Variants in ABTB2 observed in about 807,000 individuals in gnomAD.
ABTB2 encodes the protein ankyrin repeat and BTB domain containing 2.
ABTB2 carries 56 observed loss-of-function variants against 104.1 expected under a neutral mutation model. That is an observed-to-expected ratio of 0.54 (90% confidence interval 0.43 to 0.67). The LOEUF (loss-of-function observed/expected upper bound fraction) is 0.67, where lower values mean the gene tolerates loss of function less well. Among genes scored for constraint, ABTB2 ranks in the 30% least tolerant of loss-of-function variants. ABTB2 has a pLI of 0.00. For missense variants in ABTB2, 1,279 were observed against 1,407.7 expected (o/e 0.91, Z 1.46); for synonymous variants, 606 against 608.2 (o/e 1.00, Z 0.05).
intron 1 of ABTB2, among the ~76,000 whole-genome samples, chr11:34,234,138 T>C (rs1853809723): frequency 3.3e-5 from 5 of 152,252 alleles, no homozygotes; most frequent in Non-Finnish European, 7.4e-5. Context: ...TTAGGGGGTT[T>C]CCCTTCTCCC....
At chr11:34,355,709 CATA>C (rs1488666723) in intron 1 of ABTB2, among the ~76,000 whole-genome samples, 1 of 152,188 alleles carries the variant, frequency 6.6e-6, no homozygotes, top group East Asian at 1.9e-4. Context: ...GCTGTTTAAC[CATA>C]ATACCATTCT....
At chr11:34,211,463 A>T (rs1351671339) in intron 1 of ABTB2, among the ~76,000 whole-genome samples, 1 of 152,178 alleles carries the variant, frequency 6.6e-6, no homozygotes, top group African/African-American at 2.4e-5. Context: ...ATAGTATTCC[A>T]CATGACATTC....
chr11:34,236,131 G>A (rs1420690045), intron 1 of ABTB2, among the ~76,000 whole-genome samples: 1 of 152,160 alleles, frequency 6.6e-6, no homozygotes, highest in African/African-American at 2.4e-5. Flanking sequence ...TATTCTTGTT[G>A]GCAGAGGGAG....
intron 1 of ABTB2, among the ~76,000 whole-genome samples, chr11:34,260,914 T>C (rs1854181114): frequency 8.2e-6 from 1 of 122,596 alleles, no homozygotes; most frequent in African/African-American, 3.9e-5. Flanking sequence ...GTGTGGTGGC[T>C]CACCTGAGGC....
rs559773761 is a variant in ABTB2, at chr11:34,252,873, G to A, written c.884-48183C>T. Reference sequence around the variant, plus strand: ...CCTGGGCCTCTCCTGCCCAACCCAGGTGGCTGTCACCTGGCCTGCACATGG... The same window carrying A: ...CCTGGGCCTCTCCTGCCCAACCCAGATGGCTGTCACCTGGCCTGCACATGG... On this transcript the variant is annotated intron_variant, in intron 1 of 16. Coordinates refer to ENST00000435224, the MANE Select transcript of ABTB2 (RefSeq NM_145804.3). The surrounding 1 kb of genome is among the most constrained non-coding windows in gnomAD (Gnocchi z 5.5). Among the ~76,000 whole-genome samples, 5 of 152,118 alleles carry A rather than the reference G, an allele frequency of 3.3e-5. No individual in the cohort carries two copies. The highest frequency in any genetic ancestry group is 5.9e-5 in the Non-Finnish European group (4 of 67,960).
chr11:34,284,160 C>A (rs1279080748), intron 1 of ABTB2, among the ~76,000 whole-genome samples: 1 of 152,228 alleles, frequency 6.6e-6, no homozygotes, highest in Admixed American at 6.5e-5. Context: ...CTGTAAGGCC[C>A]AATCCATGTC....
chr11:34,161,218 GCC>G (rs1388350184), intron 10 of ABTB2, 137 bp from the exon 11 acceptor site: 15 of 841,856 alleles, frequency 1.8e-5, no homozygotes, highest in Non-Finnish European at 2.3e-5. Context: ...CCTCCCGCCT[GCC>G]CCCTTCCTGG....
chr11:34,342,275 CG>C (rs1564936884), intron 1 of ABTB2, among the ~76,000 whole-genome samples: 3 of 152,224 alleles, frequency 2.0e-5, no homozygotes, highest in African/African-American at 7.2e-5. Flanking sequence ...AGTTCTCAGG[CG>C]CAGCTGGCTG....
intron 1 of ABTB2, among the ~76,000 whole-genome samples, chr11:34,288,906 G>T (rs1372631418): frequency 6.6e-6 from 1 of 152,154 alleles, no homozygotes; most frequent in Non-Finnish European, 1.5e-5. Context: ...GTCCCTCTGG[G>T]TTTATTAATC....
chr11:34,173,135 C>T lies in ABTB2; in HGVS notation c.1397+20G>A. On this transcript the variant is annotated intron_variant, in intron 4 of 16. Coordinates refer to ENST00000435224, the MANE Select transcript of ABTB2 (RefSeq NM_145804.3). ...GGCAGGTCATGGATGCCGGGGCCCT[C>T]CCTCCTCCCTGGTTCATACTTGAGC... 3.7e-6 allele frequency: 6 copies of T among 1,613,420 alleles called. No homozygotes were observed. The highest frequency in any genetic ancestry group is 4.2e-6 in the Non-Finnish European group (5 of 1,179,886).
Position 34,161,081 on chromosome 11 carries a change from C to T in ABTB2, c.2219G>A (p.Gly740Glu). 1 of 1,603,754 alleles carries T rather than the reference C, an allele frequency of 6.2e-7. No individual in the cohort carries two copies. Among genetic ancestry groups the T allele is most frequent in the Non-Finnish European group, 8.5e-7 (1 of 1,174,238 alleles). ...CCAGATGTGCAGCTTCCAGGGGACT[C>T]CTGGTCCAGGCAGGGAAGGGCAGGC... The part of the protein sequence containing the change: ...VDITMELRAL[G>E]VPWKLHIWIE... Residue 740 changes from glycine to glutamate, a missense_variant and splice_region_variant, in exon 11 of 17, where the codon GGA becomes GAA. Coordinates refer to ENST00000435224, the MANE Select transcript of ABTB2 (RefSeq NM_145804.3).
chr11:34,326,279 CCA>C (rs1334084736), intron 1 of ABTB2, among the ~76,000 whole-genome samples: 2 of 152,092 alleles, frequency 1.3e-5, no homozygotes, highest in Non-Finnish European at 2.9e-5. Flanking sequence ...ACCAAAAAAA[CCA>C]CAGAGATATA....
chr11:34,301,737 A>G (rs12290275), intron 1 of ABTB2, among the ~76,000 whole-genome samples: 5,990 of 152,232 alleles, frequency 0.039, 416 homozygotes, highest in African/African-American at 0.14. Flanking sequence ...TAATCCCAAC[A>G]CCTTAGGATG....
intron 1 of ABTB2, among the ~76,000 whole-genome samples, chr11:34,255,760 G>A (rs923859108): frequency 2.6e-5 from 4 of 152,100 alleles, no homozygotes; most frequent in East Asian, 1.9e-4. Flanking sequence ...CAAGTGATCC[G>A]CACGCCTCGG....
intron 1 of ABTB2, among the ~76,000 whole-genome samples, chr11:34,267,545 C>T (rs181373611): frequency 6.6e-4 from 100 of 152,262 alleles, no homozygotes; most frequent in African/African-American, 2.4e-3. Flanking sequence ...CAAAAAAAAT[C>T]CTAGACTTTG....
Position 34,357,506 on chromosome 11 carries a change from C to T in ABTB2, c.78G>A (p.Ser26=). ...AGGACGAGAGGCTGAGCGAGCGGCA[C>T]GAGTCCCCGGCCCCATACCCGGAGT... ...TLDSGYGAGD[S]CRSLSLSSSK... is the part of the protein sequence containing the mutation. Residue 26 remains serine, a synonymous_variant, in exon 1 of 17, where the codon TCG becomes TCA. Coordinates refer to ENST00000435224, the MANE Select transcript of ABTB2 (RefSeq NM_145804.3). The T allele has an allele frequency of 6.5e-7, 1 of 1,541,474 alleles. No individual in the cohort carries two copies. Among genetic ancestry groups the T allele is most frequent in the Middle Eastern group, 1.7e-4 (1 of 5,992 alleles).
rs751915029 is a variant in ABTB2 at position 34,152,572 on chromosome 11, G to C, written c.2893C>G (p.Pro965Ala). ...CCCTCACAGAACAGGGCCAGTTCTGGGGCATTGTGGATCTGTAGGGCAGAG... is the reference window on the plus strand; with the variant it reads ...CCCTCACAGAACAGGGCCAGTTCTGCGGCATTGTGGATCTGTAGGGCAGAG... ...TYKYAKIHNA[P>A]ELALFCEGFF... Residue 965 changes from proline (P) to alanine (A), a missense_variant, in exon 17 of 17, where the codon CCA (proline) becomes GCA (alanine). Pro to Ala is a conservative substitution (Grantham distance 27, BLOSUM62 -1). Coordinates refer to ENST00000435224, the MANE Select transcript of ABTB2 (RefSeq NM_145804.3). The C allele has an allele frequency of 1.3e-6, 2 of 1,580,020 alleles. No individual in the cohort carries two copies. The highest frequency in any genetic ancestry group is 2.2e-5 in the East Asian group (1 of 44,830).
Position 34,323,638 on chromosome 11 carries a change from A to G in ABTB2, c.883+33063T>C, listed in dbSNP as rs189867957. On this transcript the variant is annotated intron_variant, in intron 1 of 16. Transcript: ENST00000435224. ...ATTAGCCTAATTTTTGTTGTTCTTCAATACAGTTATCACTATGTGAAGTCA... is the reference window on the plus strand; with the variant it reads ...ATTAGCCTAATTTTTGTTGTTCTTCGATACAGTTATCACTATGTGAAGTCA... Among the ~76,000 whole-genome samples the G allele has an allele frequency of 1.8e-3, 270 of 152,294 alleles. 2 individuals carry two copies. Among genetic ancestry groups the G allele is most frequent in the Admixed American group, 2.9e-3 (44 of 15,298 alleles).
At chr11:34,347,875 A>G (rs1288550613) in intron 1 of ABTB2, among the ~76,000 whole-genome samples, 2 of 152,118 alleles carry the variant, frequency 1.3e-5, no homozygotes, top group East Asian at 1.9e-4. Flanking sequence ...CATCAGTCGG[A>G]CTTAACACCG....
Sources: gnomAD v4.1 joint callset for allele counts (sites outside exome capture counted in the v4.1 genomes callset) on GRCh38, gnomAD v4.1.1 for gene constraint, Gnocchi (gnomAD v3.1) non-coding constraint, MANE v1.5 for transcripts, NCBI Gene and HGNC (gene_info 2026-07-23, HGNC 2026-07-21) for gene names.